Variants in RBFOX1 observed in about 807,000 individuals in gnomAD.
RBFOX1 encodes RNA binding protein fox-1 homolog 1.
RBFOX1 carries 8 observed loss-of-function variants against 57.7 expected under a neutral mutation model. That is an observed-to-expected ratio of 0.14 (90% CI 0.08 to 0.25). The LOEUF is 0.25. Among genes scored for constraint, RBFOX1 ranks in the 10% least tolerant of loss-of-function variants. The pLI, the probability that RBFOX1 is intolerant of heterozygous loss-of-function variation, is 1.00. For missense variants in RBFOX1, 611 were observed against 548.5 expected (o/e 1.11, Z -1.14); for synonymous variants, 326 against 222.4 (o/e 1.47, Z -4.15).
intron 4 of RBFOX1, among the ~76,000 whole-genome samples, chr16:7,095,319 G>T (rs2061515943): frequency 6.6e-6 from 1 of 152,090 alleles, no homozygotes; most frequent in Non-Finnish European, 1.5e-5. Context: ...TGTATTTTTA[G>T]TAGAGACTGG....
chr16:6,218,077 T>C (rs2097347752), intron 1 of RBFOX1, among the ~76,000 whole-genome samples: 1 of 152,146 alleles, frequency 6.6e-6, no homozygotes, highest in South Asian at 2.1e-4. Flanking sequence ...CTGAAAGAAA[T>C]TTTAAAAGGA....
intron 2 of RBFOX1, among the ~76,000 whole-genome samples, chr16:6,471,341 G>A (rs533114514): frequency 4.6e-5 from 7 of 152,278 alleles, no homozygotes; most frequent in African/African-American, 1.7e-4. Context: ...CCAAGTAGAT[G>A]CATAGCACAA....
At chr16:6,890,198 C>G (rs939396414) in intron 3 of RBFOX1, among the ~76,000 whole-genome samples, 1 of 152,110 alleles carries the variant, frequency 6.6e-6, no homozygotes, top group African/African-American at 2.4e-5. Flanking sequence ...TGCTGTAAGC[C>G]TTTTGGTACC....
intron 2 of RBFOX1, among the ~76,000 whole-genome samples, chr16:6,617,498 C>T (rs77421184): frequency 0.013 from 2,034 of 151,808 alleles, 50 homozygotes; most frequent in African/African-American, 0.046. Context: ...TGTATTTTTC[C>T]TAGCAGAAGT....
At chr16:5,873,407 G>C (rs141140516) in intron 4 of RBFOX1, among the ~76,000 whole-genome samples, 2,134 of 152,268 alleles carry the variant, frequency 0.014, 19 homozygotes, top group Non-Finnish European at 0.022. Context: ...TCTTGGCCTT[G>C]TCTAATTTTG....
In RBFOX1 at chr16:6,097,727, A is replaced by G. The variant is rs554299731; in HGVS notation, c.-127+77735A>G. On this transcript the variant is annotated intron_variant, in intron 1 of 15. Coordinates refer to ENST00000550418, the MANE Select transcript of RBFOX1 (RefSeq NM_018723.4). This position sits in a 1 kb window ranked among gnomAD's most constrained non-coding sequence, Gnocchi z 5.0. Reference sequence around the variant, plus strand: ...AGCCCATAGACTCAACTCCTGTGCTATACTGCCTCTGTGTCTTTGGTCTGT... The same window carrying G: ...AGCCCATAGACTCAACTCCTGTGCTGTACTGCCTCTGTGTCTTTGGTCTGT... 6.6e-6 allele frequency among the ~76,000 whole-genome samples: 1 copy of G among 151,502 alleles called. No individual in the cohort carries two copies. The highest frequency in any genetic ancestry group is 1.5e-5 in the Non-Finnish European group (1 of 67,932).
At chr16:6,479,837 G>T (rs1267467251) in intron 2 of RBFOX1, among the ~76,000 whole-genome samples, 1 of 151,914 alleles carries the variant, frequency 6.6e-6, no homozygotes. Context: ...ATCATTTGAG[G>T]TCAGGAGCTT....
Position 7,692,759 on chromosome 16 carries a change from A to C in RBFOX1, c.995+15921A>C, listed in dbSNP as rs371725311. Among the ~76,000 whole-genome samples the C allele has an allele frequency of 3.0e-4, 46 of 152,300 alleles. 1 individual carries two copies. In the East Asian group the frequency reaches 6.9e-3, roughly 23 times the overall value. The stretch of plus-strand genomic sequence containing the variant: ...TTATTTTTAATACTGCATCATTAAA[A>C]ATAATTAGGGTTTATTTCAATTGAC... On this transcript the variant is annotated intron_variant, in intron 14 of 15. Transcript: ENST00000550418.
chr16:5,501,570 A>G (rs1220726535), intron 2 of RBFOX1, among the ~76,000 whole-genome samples: 7 of 152,068 alleles, frequency 4.6e-5, no homozygotes, highest in Non-Finnish European at 8.8e-5. Flanking sequence ...TTAACCTTGC[A>G]GTCTCGTTTT....
At chr16:7,483,080 G>A (rs987745537) in intron 4 of RBFOX1, among the ~76,000 whole-genome samples, 1 of 152,154 alleles carries the variant, frequency 6.6e-6, no homozygotes, top group Admixed American at 6.6e-5. Context: ...ACTAAAAGGT[G>A]CTACCCTTTT....
rs34040138 is a variant in RBFOX1 at position 5,251,556 on chromosome 16, A to G, written c.219+11451A>G. Among the ~76,000 whole-genome samples, 1,193 of 152,320 alleles carry G rather than the reference A, an allele frequency of 7.8e-3. 8 individuals are homozygous for G. Among genetic ancestry groups the G allele is most frequent in the Admixed American group, 0.016 (252 of 15,306 alleles). ...GGGGCAATGGCAGCAGAAACAGAGG[A>G]AAGAAGTGGGGCTTCTCAGACATAA... is the stretch of plus-strand genomic sequence containing the variant. On this transcript the variant is annotated intron_variant, in intron 1 of 2. Transcript: ENST00000585867.
At chr16:7,401,448 T>A (rs1405871878) in intron 4 of RBFOX1, among the ~76,000 whole-genome samples, 1 of 152,194 alleles carries the variant, frequency 6.6e-6, no homozygotes, top group Non-Finnish European at 1.5e-5. Context: ...GGGATGGCTG[T>A]ATGGATCGAT....
intron 3 of RBFOX1, among the ~76,000 whole-genome samples, chr16:6,767,394 C>T (rs1262310428): frequency 6.6e-6 from 1 of 152,200 alleles, no homozygotes; most frequent in Non-Finnish European, 1.5e-5. Context: ...GACCACAGGG[C>T]TAGGACTGAG....
At chr16:6,145,546 A>C (rs527343140) in intron 1 of RBFOX1, among the ~76,000 whole-genome samples, 60 of 152,280 alleles carry the variant, frequency 3.9e-4, no homozygotes, top group Admixed American at 7.2e-4. Flanking sequence ...TGGGGAGTAT[A>C]TACCCAGTAA....
At chr16:5,652,002 C>G (rs1047428072) in intron 3 of RBFOX1, among the ~76,000 whole-genome samples, 5 of 152,108 alleles carry the variant, frequency 3.3e-5, no homozygotes, top group African/African-American at 1.2e-4. Flanking sequence ...GGCTTGGTGA[C>G]ACATGCCTAT....
chr16:6,315,641 C>G (rs897911174), intron 1 of RBFOX1, among the ~76,000 whole-genome samples: 8 of 152,094 alleles, frequency 5.3e-5, no homozygotes, highest in Admixed American at 1.3e-4. Context: ...TTGACACTAG[C>G]CCATGAGATT....
At chr16:6,684,492 A>G (rs377375112) in intron 3 of RBFOX1, among the ~76,000 whole-genome samples, 32 of 152,324 alleles carry the variant, frequency 2.1e-4, no homozygotes, top group African/African-American at 7.5e-4. Context: ...TCTTGCAAAC[A>G]TCATCAGCTT....
At chr16:5,699,373 T>G (rs2050955020) in intron 3 of RBFOX1, among the ~76,000 whole-genome samples, 1 of 20,708 alleles carries the variant, frequency 4.8e-5, no homozygotes, top group Non-Finnish European at 1.9e-4. Flanking sequence ...AATTTTCCTT[T>G]TTTTTTTTTT....
chr16:7,024,049 T>G (rs1256875972), intron 3 of RBFOX1, among the ~76,000 whole-genome samples: 1 of 152,152 alleles, frequency 6.6e-6, no homozygotes, highest in Non-Finnish European at 1.5e-5. Context: ...AAGAGGAAGG[T>G]CATAAAACCA....
Sources: gnomAD v4.1 joint callset for allele counts (sites outside exome capture counted in the v4.1 genomes callset) on GRCh38, gnomAD v4.1.1 for gene constraint, Gnocchi (gnomAD v3.1) non-coding constraint, MANE v1.5 for transcripts, NCBI Gene and HGNC (gene_info 2026-07-23, HGNC 2026-07-21) for gene names.